The following MCPH1 variants were observed in gnomAD, a reference collection of about 807,000 sequenced individuals.
MCPH1 encodes the protein microcephalin.
Under a neutral mutation model 84.5 loss-of-function variants are expected in MCPH1, and 104 were observed. The ratio of observed to expected loss-of-function variants is 1.23; its 90% CI spans 1.05 to 1.45. The LOEUF is 1.45. Among genes scored for constraint, MCPH1 ranks in the 40% most tolerant of loss-of-function variants. The pLI is 0.00. For missense variants in MCPH1, 1,498 were observed against 1,005.7 expected, an observed-to-expected ratio of 1.49 and a Z score of -6.62; for synonymous variants, 514 against 366.8, an observed-to-expected ratio of 1.40 and a Z score of -4.58.
intron 12 of MCPH1, among the ~76,000 whole-genome samples, chr8:6,582,681 C>T (rs1046809801): frequency 3.3e-5 from 5 of 152,194 alleles, no homozygotes; most frequent in Admixed American, 1.3e-4. Flanking sequence ...CTGCCTTCCC[C>T]GTCCAAGGAA....
Position 6,644,368 on chromosome 8 carries a change from C to G in MCPH1, c.*1319C>G, listed in dbSNP as rs1674859171. ...CCAGAGTGATCAGGCAAGAATAAGC[C>G]ATAAAAGGCATCCAAATAGGAAAAG... On this transcript the variant is annotated 3_prime_UTR_variant, in exon 14 of 14. Transcript: ENST00000344683. The G allele has an allele frequency of 6.6e-6, 1 of 152,086 alleles. No individual in the cohort carries two copies. Among genetic ancestry groups the G allele is most frequent in the African/African-American group, 2.4e-5 (1 of 41,386 alleles). 9.4% of individuals were successfully genotyped at this position (152,086 alleles called of 1,614,324 possible). A position where few individuals can be genotyped will look rare whatever the true frequency, so the allele number is the denominator to read the frequency against.
intron 9 of MCPH1, among the ~76,000 whole-genome samples, chr8:6,469,568 T>G (rs1807447009): frequency 6.6e-6 from 1 of 152,242 alleles, no homozygotes; most frequent in South Asian, 2.1e-4. Context: ...GGGCTTATAC[T>G]GGGCGTGAAC....
chr8:6,520,374 C>G (rs1817079372), intron 12 of MCPH1, among the ~76,000 whole-genome samples: 1 of 152,100 alleles, frequency 6.6e-6, no homozygotes, highest in South Asian at 2.1e-4. Flanking sequence ...AAGAATGTCC[C>G]TAAACACTGT....
chr8:6,626,362 T>A (rs1488778116), intron 13 of MCPH1: 1 of 985,234 alleles, frequency 1.0e-6, no homozygotes, highest in African/African-American at 1.7e-5. Flanking sequence ...ACGTTCCCTC[T>A]TCATTCCCTG....
intron 12 of MCPH1, among the ~76,000 whole-genome samples, chr8:6,541,552 G>A (rs1444404957): frequency 1.3e-5 from 2 of 152,212 alleles, no homozygotes; most frequent in African/African-American, 2.4e-5. Flanking sequence ...ATGCGGAGAC[G>A]CTCGGCAGGT....
intron 9 of MCPH1, among the ~76,000 whole-genome samples, chr8:6,463,855 G>C (rs1030029254): frequency 6.6e-6 from 1 of 152,216 alleles, no homozygotes; most frequent in Admixed American, 6.5e-5. Flanking sequence ...TTGCAGTAAT[G>C]CCAGGCCTTT....
At chr8:6,630,608 C>A (rs1230176594) in intron 13 of MCPH1, among the ~76,000 whole-genome samples, 1 of 151,796 alleles carries the variant, frequency 6.6e-6, no homozygotes, top group Non-Finnish European at 1.5e-5. Context: ...ACGGTGAAAC[C>A]CTGTCTTTAC....
rs369120387 is a variant in MCPH1, at chr8:6,445,532, G to A, written c.1810G>A (p.Gly604Arg). 8.7e-6 allele frequency: 14 copies of A among 1,603,380 alleles called. No homozygotes were observed. Among genetic ancestry groups the A allele is most frequent in the Middle Eastern group, 1.7e-4 (1 of 6,016 alleles). ...TACAGAAGAGAAGGAAAACTTACCC[G>A]GAGGATACAGTGGAAGTATGTGAAT... ...TSTEEKENLP[G>R]GYSGSVKNRP... The change falls in exon 8 of 14, where the codon GGA (glycine) becomes AGA (arginine). Residue 604 changes from glycine to arginine, a missense_variant. Physicochemically the swap from Gly to Arg is moderately radical, Grantham distance 125. Transcript: ENST00000344683.
chr8:6,446,400 G>A (rs1804376716), intron 8 of MCPH1: 2 of 985,250 alleles, frequency 2.0e-6, no homozygotes, highest in Non-Finnish European at 2.4e-6. Flanking sequence ...TGAAGGTGGA[G>A]AAGTCATGGT....
intron 4 of MCPH1, among the ~76,000 whole-genome samples, chr8:6,433,630 CAAAAA>C (rs60661127): frequency 7.3e-5 from 3 of 40,896 alleles, no homozygotes; most frequent in African/African-American, 2.4e-4. Context: ...GGCTCTGTCT[CAAAAA>C]AAAAAAAAAA....
rs1255999269 is a variant in MCPH1, at chr8:6,647,147, A to G, written c.*4098A>G. 1 of 152,234 alleles carries G rather than the reference A, an allele frequency of 6.6e-6. No individual in the cohort carries two copies. The highest frequency in any genetic ancestry group is 2.4e-5 in the African/African-American group (1 of 41,460). The allele number at this position is 152,234 out of a possible 1,614,324, so 9.4% of individuals were successfully genotyped here. ...AGCTGAAGACAATTCATGCAAGAAG[A>G]TATACAAATATTAAGCACATTAAAA... On this transcript the variant is annotated 3_prime_UTR_variant, in exon 14 of 14. Coordinates refer to ENST00000344683, the MANE Select transcript of MCPH1 (RefSeq NM_024596.5).
intron 13 of MCPH1, among the ~76,000 whole-genome samples, chr8:6,624,453 T>C (rs2928593): frequency 0.012 from 1,815 of 152,276 alleles, 37 homozygotes; most frequent in African/African-American, 0.041. Flanking sequence ...ATCTCCAGTG[T>C]AGTAGACCTC....
chr8:6,629,031 C>T (rs1429106188), intron 13 of MCPH1, among the ~76,000 whole-genome samples: 1 of 152,158 alleles, frequency 6.6e-6, no homozygotes, highest in Non-Finnish European at 1.5e-5. Context: ...AATTTTGTCT[C>T]CCCAGAATTC....
intron 12 of MCPH1, among the ~76,000 whole-genome samples, chr8:6,600,644 A>T (rs1829285427): frequency 6.6e-6 from 1 of 152,380 alleles, no homozygotes; most frequent in South Asian, 2.1e-4. Flanking sequence ...ACAGCTTTGT[A>T]TTGAAAGATT....
chr8:6,454,916 CTG>C (rs1431679080), intron 8 of MCPH1, among the ~76,000 whole-genome samples: 1 of 152,210 alleles, frequency 6.6e-6, no homozygotes, highest in East Asian at 1.9e-4. Context: ...CTGTAGAACA[CTG>C]TAACCTGATT....
At chr8:6,637,439 C>A (rs953430460) in intron 13 of MCPH1, among the ~76,000 whole-genome samples, 1 of 151,954 alleles carries the variant, frequency 6.6e-6, no homozygotes, top group Non-Finnish European at 1.5e-5. Flanking sequence ...TCAGGAGAAG[C>A]GGTAAGTTTA....
intron 12 of MCPH1, among the ~76,000 whole-genome samples, chr8:6,540,678 G>T (rs1821389445): frequency 6.6e-6 from 1 of 152,284 alleles, no homozygotes; most frequent in Non-Finnish European, 1.5e-5. Context: ...GTGTGTATGT[G>T]TGTGTACCTC....
intron 12 of MCPH1, among the ~76,000 whole-genome samples, chr8:6,559,707 T>C (rs1423392801): frequency 6.6e-6 from 1 of 152,242 alleles, no homozygotes; most frequent in African/African-American, 2.4e-5. Context: ...CCTAGCAAAA[T>C]ACAATCCATT....
chr8:6,627,173 A>G (rs905276639), intron 13 of MCPH1: 34 of 985,258 alleles, frequency 3.5e-5, no homozygotes, highest in Non-Finnish European at 4.0e-5. Flanking sequence ...CGACGCTCCC[A>G]TGGGGCCACT....
Sources: allele counts gnomAD v4.1 joint callset (sites outside exome capture counted in the v4.1 genomes callset), GRCh38; gene constraint gnomAD v4.1.1; transcripts MANE v1.5; gene names NCBI Gene and HGNC (gene_info 2026-07-23, HGNC 2026-07-21).